The following ZFYVE28 variants were observed in gnomAD, a reference collection of about 807,000 sequenced individuals.
ZFYVE28 encodes lateral signaling target protein 2 homolog.
A neutral mutation model predicts 82.1 loss-of-function variants in ZFYVE28; 40 were observed. That is an observed-to-expected ratio of 0.49 (90% CI 0.38 to 0.63). ZFYVE28 has a LOEUF of 0.63. Among genes scored for constraint, ZFYVE28 ranks in the 30% least tolerant of loss-of-function variants. ZFYVE28 has a pLI of 0.00. For missense variants in ZFYVE28, 1,321 were observed against 1,242.1 expected (o/e 1.06, Z -0.96); for synonymous variants, 612 against 546.1 (o/e 1.12, Z -1.68).
chr4:2,292,101 G>A (rs997116754), intron 8 of ZFYVE28, among the ~76,000 whole-genome samples: 2 of 152,192 alleles, frequency 1.3e-5, no homozygotes, highest in Non-Finnish European at 2.9e-5. Flanking sequence ...ACACAGCATG[G>A]GGGGCTGGGA....
At chr4:2,323,094 T>C (rs1719343188) in intron 6 of ZFYVE28, among the ~76,000 whole-genome samples, 1 of 152,268 alleles carries the variant, frequency 6.6e-6, no homozygotes, top group Non-Finnish European at 1.5e-5. Context: ...ATATGGATCA[T>C]ATAATTCTAT....
At chr4:2,302,966 G>A (rs999286168) in intron 8 of ZFYVE28, among the ~76,000 whole-genome samples, 15 of 152,184 alleles carry the variant, frequency 9.9e-5, no homozygotes, top group South Asian at 6.2e-4. Context: ...TTCCTGCCGC[G>A]CCCTCGTTAA....
intron 8 of ZFYVE28, among the ~76,000 whole-genome samples, chr4:2,276,642 T>G (rs563821523): frequency 2.0e-5 from 3 of 152,102 alleles, no homozygotes; most frequent in Admixed American, 2.0e-4. Flanking sequence ...AGGAAGGAAA[T>G]TCGGATCTAG....
intron 1 of ZFYVE28, among the ~76,000 whole-genome samples, chr4:2,379,917 A>G (rs1728555011): frequency 6.6e-6 from 1 of 151,838 alleles, no homozygotes; most frequent in Non-Finnish European, 1.5e-5. Context: ...CCTCCCAAGT[A>G]TCTGGGATTA....
At chr4:2,378,588 C>T (rs1367532284) in intron 1 of ZFYVE28, among the ~76,000 whole-genome samples, 2 of 152,324 alleles carry the variant, frequency 1.3e-5, no homozygotes, top group East Asian at 3.9e-4. Context: ...CTCCACTGAA[C>T]TTTGATGCTT....
intron 8 of ZFYVE28, among the ~76,000 whole-genome samples, chr4:2,289,972 AG>A (rs1713353210): frequency 6.6e-6 from 1 of 152,134 alleles, no homozygotes. Flanking sequence ...GCAGAAGCTC[AG>A]GGGGAGGACA....
intron 1 of ZFYVE28, chr4:2,364,350 G>T: frequency 1.3e-6 from 1 of 743,478 alleles, no homozygotes; most frequent in Non-Finnish European, 1.6e-6. Context: ...AACCACAGGT[G>T]TTGTGGGGCC....
intron 6 of ZFYVE28, among the ~76,000 whole-genome samples, chr4:2,325,808 G>A (rs1279650462): frequency 1.3e-5 from 2 of 151,872 alleles, no homozygotes; most frequent in Non-Finnish European, 2.9e-5. Flanking sequence ...GCTTAAGCTG[G>A]ACTCAAACTC....
In ZFYVE28 at chr4:2,333,537, T is replaced by C. The variant is rs73203395; in HGVS notation, c.701+2168A>G. On this transcript the variant is annotated intron_variant, in intron 6 of 12. Transcript: ENST00000290974. ...AACACAGTATGCCTGGGGTGCGGCCTGCGGGGAGGGTCACCTGGGGTCACC... is the reference window on the plus strand; with the variant it reads ...AACACAGTATGCCTGGGGTGCGGCCCGCGGGGAGGGTCACCTGGGGTCACC... 3.0e-3 allele frequency among the ~76,000 whole-genome samples: 453 copies of C among 152,092 alleles called. 2 individuals carry two copies. Among genetic ancestry groups the C allele is most frequent in the Non-Finnish European group, 4.1e-3 (278 of 67,964 alleles).
At chr4:2,379,223 C>A (rs1728476613) in intron 1 of ZFYVE28, among the ~76,000 whole-genome samples, 1 of 152,122 alleles carries the variant, frequency 6.6e-6, no homozygotes, top group South Asian at 2.1e-4. Context: ...GAGACAGAGC[C>A]CTCAACAATC....
chr4:2,288,063 C>T (rs959314129), intron 8 of ZFYVE28, among the ~76,000 whole-genome samples: 2 of 152,130 alleles, frequency 1.3e-5, no homozygotes, highest in African/African-American at 2.4e-5. Context: ...CAGTGGGCCT[C>T]GGAAGGCAGA....
chr4:2,280,606 TACAC>T (rs986424870), intron 8 of ZFYVE28, among the ~76,000 whole-genome samples: 8 of 152,260 alleles, frequency 5.3e-5, no homozygotes, highest in Non-Finnish European at 7.3e-5. Context: ...GCATTAATCT[TACAC>T]TTACTTGAGT....
rs113489854 is a variant in ZFYVE28 at position 2,339,092 on chromosome 4, G to A, written c.521+361C>T. 6.4e-3 allele frequency among the ~76,000 whole-genome samples: 979 copies of A among 152,246 alleles called. 5 individuals carry two copies. Among genetic ancestry groups the A allele is most frequent in the Middle Eastern group, 0.014 (4 of 294 alleles). ...CTCTCAACGTGCTGGGATTACAGGC[G>A]TGAGCCACCGCACCCGCCTGGCTGC... On this transcript the variant is annotated intron_variant, in intron 4 of 12. Coordinates refer to ENST00000290974, the MANE Select transcript of ZFYVE28 (RefSeq NM_020972.3). This position sits in a 1 kb window ranked among gnomAD's most constrained non-coding sequence, Gnocchi z 5.0.
chr4:2,400,625 T>G (rs1731072551), intron 1 of ZFYVE28, among the ~76,000 whole-genome samples: 1 of 152,122 alleles, frequency 6.6e-6, no homozygotes. Flanking sequence ...ATAAGCTGTC[T>G]GCAAGCTGAG....
At chr4:2,350,616 T>TG (rs1274992554) in intron 2 of ZFYVE28, among the ~76,000 whole-genome samples, 3 of 152,098 alleles carry the variant, frequency 2.0e-5, no homozygotes, top group Non-Finnish European at 2.9e-5. Flanking sequence ...AGCTTCAGGA[T>TG]GGGGGGCTGG....
At chr4:2,279,572 G>A (rs989452509) in intron 8 of ZFYVE28, among the ~76,000 whole-genome samples, 5 of 152,192 alleles carry the variant, frequency 3.3e-5, no homozygotes, top group East Asian at 1.9e-4. Flanking sequence ...GAGGTCAGGA[G>A]ATCGAGACCA....
rs913377915 is a variant in ZFYVE28 at position 2,353,643 on chromosome 4, A to G, written c.180+290T>C. Among the ~76,000 whole-genome samples, 4 of 151,870 alleles carry G rather than the reference A, an allele frequency of 2.6e-5. 1 individual carries two copies. Among genetic ancestry groups the G allele is most frequent in the African/African-American group, 9.7e-5 (4 of 41,282 alleles). The stretch of plus-strand genomic sequence containing the variant: ...ACCTGGGCAGGCCCACCCCTCCCAC[A>G]CTGGCTGCCCCTTGGCTCAGAAGCC... On this transcript the variant is annotated intron_variant, in intron 2 of 12. Coordinates refer to ENST00000290974, the MANE Select transcript of ZFYVE28 (RefSeq NM_020972.3).
chr4:2,342,662 GAGA>G (rs1352105775), intron 2 of ZFYVE28: 21 of 152,190 alleles, frequency 1.4e-4, no homozygotes, highest in African/African-American at 5.1e-4. Context: ...GTATATGAGG[GAGA>G]AGAAGCCCAT....
rs575232255 is a variant in ZFYVE28 at position 2,372,364 on chromosome 4, G to A, written c.40-18291C>T. Among the ~76,000 whole-genome samples, 10 of 151,998 alleles carry A rather than the reference G, an allele frequency of 6.6e-5. No individual in the cohort carries two copies. Among genetic ancestry groups the A allele is most frequent in the South Asian group, 4.2e-4 (2 of 4,802 alleles). The stretch of plus-strand genomic sequence containing the variant: ...CTGCCTCCCCAGCCCTTCCATCGCC[G>A]CCTCCTGCCACCACCGCTCCCGCCA... On this transcript the variant is annotated intron_variant, in intron 1 of 12. Coordinates refer to ENST00000290974, the MANE Select transcript of ZFYVE28 (RefSeq NM_020972.3). This position sits in a 1 kb window ranked among gnomAD's most constrained non-coding sequence, Gnocchi z 5.2.
Sources: gnomAD v4.1 joint callset for allele counts (sites outside exome capture counted in the v4.1 genomes callset) on GRCh38, gnomAD v4.1.1 for gene constraint, Gnocchi (gnomAD v3.1) non-coding constraint, MANE v1.5 for transcripts, NCBI Gene and HGNC (gene_info 2026-07-23, HGNC 2026-07-21) for gene names.